Variants in TBPL2 observed in about 807,000 individuals in gnomAD.
TBPL2 encodes TATA-box binding protein like 2, also known as TATA box-binding protein-like 2.
TBPL2 carries 40 observed loss-of-function variants against 38.2 expected under a neutral mutation model. The observed-to-expected ratio is 1.05, with a 90% confidence interval of 0.81 to 1.36. The LOEUF (loss-of-function observed/expected upper bound fraction) is 1.36. TBPL2 is among the 40% of genes most tolerant of loss of function. TBPL2 has a pLI of 0.00. For missense variants in TBPL2, 461 were observed against 456.7 expected (o/e 1.01, Z -0.09); for synonymous variants, 169 against 171.7 (o/e 0.98, Z 0.12).
At chr14:55,440,557 G>C (rs755775498) in exon 1 of TBPL2, 31 of 1,579,552 alleles carry the variant, frequency 2.0e-5, no homozygotes, top group African/African-American at 4.1e-5. Flanking sequence ...TATGAGCCTG[G>C]GGGCAGCGAG....
rs539769285 is a variant in TBPL2, at chr14:55,417,453, T to TA, written c.1052-2999dup. Among the ~76,000 whole-genome samples the TA allele has an allele frequency of 5.1e-3, 463 of 91,342 alleles. 6 individuals are homozygous for TA. Among genetic ancestry groups the TA allele is most frequent in the Middle Eastern group, 0.016 (2 of 126 alleles). 59.9% of individuals were successfully genotyped at this position (91,342 alleles called of 152,430 possible). A position where few individuals can be genotyped will look rare whatever the true frequency, so the allele number is the denominator to read the frequency against. On this transcript the variant is annotated intron_variant, in intron 6 of 6. Transcript: ENST00000247219. The stretch of plus-strand genomic sequence containing the variant: ...GGCTCCAATGAGATGACCCTTGCCT[T>TA]AAAAAAAAAAAAAAAAAAAAAAAAA...
At chr14:55,433,541 C>T in intron 4 of TBPL2, 89 bp downstream of exon 4, 2 of 1,251,118 alleles carry the variant, frequency 1.6e-6, no homozygotes, top group African/African-American at 1.5e-5. Context: ...TTTGCTTCTA[C>T]TATGTGCTTT....
At chr14:55,423,770 T>C (rs932841937) in intron 6 of TBPL2, among the ~76,000 whole-genome samples, 3 of 152,238 alleles carry the variant, frequency 2.0e-5, no homozygotes, top group Non-Finnish European at 4.4e-5. Flanking sequence ...ACAGACCCTG[T>C]GGCTCACAAA....
At chr14:55,419,388 C>G (rs1427500321) in intron 6 of TBPL2, among the ~76,000 whole-genome samples, 2 of 152,202 alleles carry the variant, frequency 1.3e-5, no homozygotes, top group African/African-American at 4.8e-5. Context: ...ATGATTATGC[C>G]TGATCTTAGA....
At chr14:55,438,424 C>T (rs775530982) in intron 1 of TBPL2, among the ~76,000 whole-genome samples, 3 of 152,194 alleles carry the variant, frequency 2.0e-5, no homozygotes, top group Non-Finnish European at 2.9e-5. Flanking sequence ...CACAGAGTGG[C>T]CTAAGAAAAG....
chr14:55,429,700 A>AGGT (rs1469448693), intron 4 of TBPL2, among the ~76,000 whole-genome samples: 6 of 135,230 alleles, frequency 4.4e-5, no homozygotes, highest in Admixed American at 8.1e-5. Flanking sequence ...TGGGAGGCAG[A>AGGT]GGTTGCAGTG....
intron 4 of TBPL2, among the ~76,000 whole-genome samples, chr14:55,429,766 C>CAAA (rs71131266): frequency 2.0e-3 from 105 of 52,302 alleles, no homozygotes; most frequent in African/African-American, 2.8e-3. Flanking sequence ...AACTCCGTCT[C>CAAA]AAAAAAAAAA....
chr14:55,428,362 C>T (rs566453731), intron 5 of TBPL2, among the ~76,000 whole-genome samples: 4 of 151,982 alleles, frequency 2.6e-5, no homozygotes, highest in African/African-American at 9.7e-5. Flanking sequence ...ATCTCCTGAC[C>T]TCGTGATCCG....
In TBPL2 at chr14:55,429,122, C is replaced by T. The variant is rs974973453; in HGVS notation, c.789-148G>A. On this transcript the variant is annotated intron_variant, in intron 4 of 6. Transcript: ENST00000247219. ...GGCTTTGTGAGGAGGACTTACTTCC[C>T]ATACTTTCGTCCCTAGCACCTTATA... The T allele has an allele frequency of 6.3e-6, 6 of 945,998 alleles. No individual in the cohort carries two copies. The Admixed American group carries it at 8.5e-5, about 13-fold the overall frequency. The allele number at this position is 945,998 out of a possible 1,614,324, so 58.6% of individuals were successfully genotyped here.
exon 5 of TBPL2, chr14:55,428,923 C>T (rs759708496): frequency 1.2e-6 from 2 of 1,614,186 alleles, no homozygotes; most frequent in South Asian, 2.2e-5. Flanking sequence ...GGAACCCAAG[C>T]TTCTGCACCA....
chr14:55,437,070 G>T (rs763390437), intron 1 of TBPL2, 52 bp from the exon 2 acceptor site: 1 of 1,514,626 alleles, frequency 6.6e-7, no homozygotes, highest in South Asian at 1.1e-5. Flanking sequence ...AGAACAGCAT[G>T]TTACACAAAA....
At chr14:55,432,433 TAAAC>T (rs779125055) in intron 4 of TBPL2, among the ~76,000 whole-genome samples, 91 of 99,336 alleles carry the variant, frequency 9.2e-4, no homozygotes, top group Non-Finnish European at 1.2e-3. Context: ...AAACAACAAA[TAAAC>T]AAACAACAAA....
chr14:55,436,500 G>T, intron 2 of TBPL2, 61 bp downstream of exon 2: 1 of 1,372,326 alleles, frequency 7.3e-7, no homozygotes, highest in Non-Finnish European at 1.0e-6. Flanking sequence ...AGTTGTCATC[G>T]CATTCAGGAA....
chr14:55,428,946 T>A lies in TBPL2; in HGVS notation c.817A>T (p.Lys273Ter). 1 of 1,614,160 alleles carries A rather than the reference T, an allele frequency of 6.2e-7. No individual in the cohort carries two copies. The highest frequency in any genetic ancestry group is 8.5e-7 in the Non-Finnish European group (1 of 1,180,004). The change falls in exon 5 of 7, where the codon AAA becomes TAA. Residue 273 changes from lysine to a stop codon, truncating the protein, a stop_gained. Transcript: ENST00000247219. LOFTEE classifies it high-confidence loss of function. ...AGCTTCTGCACCACACGAGCATATT[T>A]TCTTGCTGCAAGTCGAGACTGCTCT...
At chr14:55,419,749 T>C (rs968762961) in intron 6 of TBPL2, among the ~76,000 whole-genome samples, 1 of 152,226 alleles carries the variant, frequency 6.6e-6, no homozygotes, top group Non-Finnish European at 1.5e-5. Flanking sequence ...CATGATACAA[T>C]GGTTTCAAAT....
rs1382208622 is a variant in TBPL2 at position 55,428,073 on chromosome 14, C to T, written c.956+734G>A. Among the ~76,000 whole-genome samples the T allele has an allele frequency of 7.5e-5, 11 of 147,008 alleles. 1 individual carries two copies. The Admixed American group carries it at 7.5e-4, about 10-fold the overall frequency. ...CCCCAATCCATTCTCCCCTCACCAG[C>T]TGTCAAGCCCCTTCCTACCGGCCTA... On this transcript the variant is annotated intron_variant, in intron 5 of 6. Coordinates refer to ENST00000247219, the Ensembl canonical transcript of TBPL2.
exon 1 of TBPL2, chr14:55,440,518 C>A (rs1172279647): frequency 6.2e-7 from 1 of 1,609,808 alleles, no homozygotes; most frequent in South Asian, 1.1e-5. Flanking sequence ...AGCCTCGGAA[C>A]CCGCTCCGGC....
chr14:55,417,376 A>C (rs1297381767), intron 6 of TBPL2, among the ~76,000 whole-genome samples: 1 of 150,978 alleles, frequency 6.6e-6, no homozygotes, highest in Non-Finnish European at 1.5e-5. Flanking sequence ...AATTGGCTCC[A>C]TAGTCCTATT....
At chr14:55,427,260 A>AT (rs11449327) in intron 5 of TBPL2, among the ~76,000 whole-genome samples, 42,330 of 151,966 alleles carry the variant, frequency 0.28, 7,611 homozygotes, top group African/African-American at 0.52. Context: ...AATGGGGTAT[A>AT]TTTAGGCATT....
Sources: gnomAD v4.1 joint callset for allele counts (sites outside exome capture counted in the v4.1 genomes callset) on GRCh38, gnomAD v4.1.1 for gene constraint, MANE v1.5 for transcripts, NCBI Gene and HGNC (gene_info 2026-07-23, HGNC 2026-07-21) for gene names.